The following DGKI variants were observed in gnomAD, a reference collection of about 807,000 sequenced individuals.
The protein encoded by DGKI is diacylglycerol kinase iota.
In DGKI, 55 loss-of-function variants were observed where a neutral mutation model predicts 147.5. That is an observed-to-expected ratio of 0.37 (90% CI 0.30 to 0.47). The LOEUF is 0.47. DGKI is among the 20% of genes least tolerant of loss of function. The pLI is 1.00. For missense variants in DGKI, 1,007 were observed against 1,323.8 expected, an observed-to-expected ratio of 0.76 and a Z score of 3.71; for synonymous variants, 469 against 477.1, an observed-to-expected ratio of 0.98 and a Z score of 0.22.
At chr7:137,818,017 T>C (rs1797789124) in intron 1 of DGKI, among the ~76,000 whole-genome samples, 1 of 152,204 alleles carries the variant, frequency 6.6e-6, no homozygotes, top group Non-Finnish European at 1.5e-5. Flanking sequence ...ACACTATCAA[T>C]GACATTGTCT....
At chr7:137,677,790 A>G (rs1328528358) in intron 3 of DGKI, among the ~76,000 whole-genome samples, 1 of 152,196 alleles carries the variant, frequency 6.6e-6, no homozygotes, top group Non-Finnish European at 1.5e-5. Context: ...GAAGGAATAC[A>G]TCTTTTATCT....
chr7:137,597,945 A>G, intron 11 of DGKI, 38 bp from the exon 12 acceptor site: 2 of 1,584,012 alleles, frequency 1.3e-6, no homozygotes, highest in Non-Finnish European at 1.7e-6. Context: ...ACAAAAGAAC[A>G]TTTCACTGGC....
At chr7:137,774,055 G>A (rs1226374443) in intron 1 of DGKI, among the ~76,000 whole-genome samples, 2 of 152,178 alleles carry the variant, frequency 1.3e-5, no homozygotes, top group Non-Finnish European at 2.9e-5. Flanking sequence ...CTGCCTCAAT[G>A]AGAAGGCACC....
At chr7:137,449,479 A>C (rs1813865232) in intron 27 of DGKI, among the ~76,000 whole-genome samples, 1 of 152,204 alleles carries the variant, frequency 6.6e-6, no homozygotes, top group Non-Finnish European at 1.5e-5. Flanking sequence ...CCATGTGCAA[A>C]AATCAACTCA....
intron 1 of DGKI, among the ~76,000 whole-genome samples, chr7:137,815,688 G>A (rs539288364): frequency 6.6e-6 from 1 of 152,204 alleles, no homozygotes; most frequent in African/African-American, 2.4e-5. Context: ...GGTGACACTC[G>A]TAGTACTAGC....
chr7:137,577,993 A>T (rs1254435017), intron 16 of DGKI, among the ~76,000 whole-genome samples: 1 of 152,174 alleles, frequency 6.6e-6, no homozygotes, highest in Non-Finnish European at 1.5e-5. Flanking sequence ...TGTTTCTCAC[A>T]TCCCTTTTTG....
At chr7:137,550,977 A>G (rs779283826) in intron 20 of DGKI, among the ~76,000 whole-genome samples, 2 of 152,178 alleles carry the variant, frequency 1.3e-5, no homozygotes, top group Non-Finnish European at 2.9e-5. Context: ...ATTTTTTAAC[A>G]TATAACCTCA....
At chr7:137,691,809 T>TTTTTTTTTTGTTTTTG (rs1823620706) in intron 1 of DGKI, among the ~76,000 whole-genome samples, 2 of 141,012 alleles carry the variant, frequency 1.4e-5, no homozygotes, top group African/African-American at 5.6e-5. Context: ...TTTTTTTTTT[T>TTTTTTTTTTGTTTTTG]TTTTTTTTTT....
intron 6 of DGKI, among the ~76,000 whole-genome samples, chr7:137,632,791 A>T (rs1821178628): frequency 6.6e-6 from 1 of 151,840 alleles, no homozygotes; most frequent in African/African-American, 2.4e-5. Context: ...CCCAGGGAGC[A>T]GAGGCTGTAG....
At position 137,635,491 on chromosome 7, in the gene DGKI, G is replaced by A. The variant is rs7794255; in HGVS notation, c.804+9981C>T. On this transcript the variant is annotated intron_variant, in intron 6 of 32. Coordinates refer to ENST00000614521, the MANE Select transcript of DGKI (RefSeq NM_001321708.2). Reference sequence around the variant, plus strand: ...TCAGGGCCTCAGTCAGCACCACTATGCAAGGGCTTACGAAATGTGTGACCC... The same window carrying A: ...TCAGGGCCTCAGTCAGCACCACTATACAAGGGCTTACGAAATGTGTGACCC... 4.5e-3 allele frequency among the ~76,000 whole-genome samples: 683 copies of A among 152,290 alleles called. 11 individuals are homozygous for A. Among genetic ancestry groups the A allele is most frequent in the African/African-American group, 0.015 (634 of 41,550 alleles).
intron 6 of DGKI, among the ~76,000 whole-genome samples, chr7:137,634,497 T>C (rs1428348554): frequency 2.6e-5 from 4 of 152,178 alleles, no homozygotes; most frequent in Non-Finnish European, 5.9e-5. Context: ...TACCTGTCCA[T>C]GAATCATCAG....
intron 1 of DGKI, among the ~76,000 whole-genome samples, chr7:137,731,488 G>A (rs781255074): frequency 3.9e-5 from 6 of 152,012 alleles, no homozygotes; most frequent in East Asian, 1.9e-4. Flanking sequence ...TTATCATTAC[G>A]GCATCATCGT....
In DGKI at chr7:137,656,504, T is replaced by C. The variant is rs1243431198; in HGVS notation, c.643A>G (p.Ile215Val). The C allele has an allele frequency of 1.9e-6, 3 of 1,614,040 alleles. No homozygotes were observed. The highest frequency in any genetic ancestry group is 2.5e-6 in the Non-Finnish European group (3 of 1,180,032). The change falls in exon 4 of 33, where the codon ATC (isoleucine) becomes GTC (valine). Residue 215 changes from isoleucine (I) to valine (V), a missense_variant. Ile to Val is a conservative substitution (Grantham distance 29). This residue lies in a region of DGKI where 259 missense variants were observed against 362.5 expected (regional missense o/e 0.71). Transcript: ENST00000614521. ...ALRRKCAVCK[I>V]VVHTACIEQL... ...TCAATGCAGGCGGTGTGGACGACGATTTTACAGACTGCACACTTCCTCCTG... is the reference window on the plus strand; with the variant it reads ...TCAATGCAGGCGGTGTGGACGACGACTTTACAGACTGCACACTTCCTCCTG...
chr7:137,412,163 A>G lies in DGKI; in HGVS notation c.2799+7T>C. ...ATCGCCAAAGATTTGGTAGGAAGAT[A>G]TCTTACCTTCATAAGATCACCAGCT... is the stretch of plus-strand genomic sequence containing the variant. On this transcript the variant is annotated splice_region_variant and intron_variant, in intron 29 of 32. Transcript: ENST00000614521. The G allele has an allele frequency of 6.2e-7, 1 of 1,613,606 alleles. No individual in the cohort carries two copies. The highest frequency in any genetic ancestry group is 2.2e-5 in the East Asian group (1 of 44,850).
chr7:137,640,384 G>C (rs932041765), intron 6 of DGKI, among the ~76,000 whole-genome samples: 1 of 152,088 alleles, frequency 6.6e-6, no homozygotes, highest in Non-Finnish European at 1.5e-5. Context: ...AGTCATGTGG[G>C]CAGGGGCTTT....
At chr7:137,445,468 T>C (rs866504940) in intron 27 of DGKI, among the ~76,000 whole-genome samples, 21 of 152,298 alleles carry the variant, frequency 1.4e-4, no homozygotes, top group African/African-American at 5.1e-4. Flanking sequence ...AGAAGCACCA[T>C]TTGGCCTCCC....
chr7:137,596,924 G>A (rs559832622), intron 12 of DGKI, among the ~76,000 whole-genome samples: 99 of 152,130 alleles, frequency 6.5e-4, no homozygotes, highest in Non-Finnish European at 1.1e-3. Flanking sequence ...TAATACATTC[G>A]TAGATCCTAT....
At chr7:137,574,630 T>C (rs997721636) in intron 17 of DGKI, among the ~76,000 whole-genome samples, 5 of 152,186 alleles carry the variant, frequency 3.3e-5, no homozygotes, top group African/African-American at 1.2e-4. Context: ...TTTACAGAGA[T>C]TTTTTTATAT....
chr7:137,844,099 T>G (rs1798640259), intron 1 of DGKI, among the ~76,000 whole-genome samples: 2 of 152,074 alleles, frequency 1.3e-5, no homozygotes, highest in African/African-American at 4.8e-5. Context: ...AACCTGCTCT[T>G]TTTTTACACA....
Sources: gnomAD v4.1 joint callset for allele counts (sites outside exome capture counted in the v4.1 genomes callset) on GRCh38, gnomAD v4.1.1 for gene constraint, gnomAD v4.1.1 regional missense constraint, MANE v1.5 for transcripts, NCBI Gene and HGNC (gene_info 2026-07-23, HGNC 2026-07-21) for gene names.